WDR81: variants seen among roughly 807,000 people sequenced by gnomAD.
The protein encoded by WDR81 is WD repeat-containing protein 81.
A neutral mutation model predicts 140.8 loss-of-function variants in WDR81; 92 were observed. The observed-to-expected ratio is 0.65, with a 90% CI of 0.55 to 0.78. The LOEUF is 0.78. Ranked by LOEUF, WDR81 falls within the 30% of genes least tolerant of loss-of-function variation. The pLI is 0.00. For missense variants in WDR81, 2,502 were observed against 2,636.4 expected, an observed-to-expected ratio of 0.95 and a Z score of 1.12; for synonymous variants, 1,183 against 1,156.4, an observed-to-expected ratio of 1.02 and a Z score of -0.47.
rs989380388 is a variant in WDR81, at chr17:1,724,733, T to C, written c.-227T>C. On this transcript the variant is annotated 5_prime_UTR_variant, in exon 1 of 10. Transcript: ENST00000409644. Reference sequence around the variant, plus strand: ...GACCCGTCACGGTGGAGCCCGGTGCTCGCGCCCGGCAGCCTCTGCCCCGCC... The same window carrying C: ...GACCCGTCACGGTGGAGCCCGGTGCCCGCGCCCGGCAGCCTCTGCCCCGCC... 11 of 1,107,378 alleles carry C rather than the reference T, an allele frequency of 9.9e-6. No individual in the cohort carries two copies. Among genetic ancestry groups the C allele is most frequent in the Middle Eastern group, 3.9e-4 (1 of 2,588 alleles). The allele number at this position is 1,107,378 out of a possible 1,614,324, so 68.6% of individuals were successfully genotyped here. A position where few individuals can be genotyped will look rare whatever the true frequency, so the allele number is the denominator to read the frequency against.
rs1233055385 is a variant in WDR81, at chr17:1,728,812, GCGTGGGGGCAGGCAC to G, written c.3667+188_3667+202del. Among the ~76,000 whole-genome samples the G allele has an allele frequency of 2.6e-5, 4 of 152,208 alleles. No individual in the cohort carries two copies. In the East Asian group the frequency reaches 7.7e-4, roughly 29 times the overall value. The stretch of plus-strand genomic sequence containing the variant: ...ACTAAAAATACAAAAAAATAGCCGG[GCGTGGGGGCAGGCAC>G]CTGTAGTCCCAGCTACTCGGAAGGC... On this transcript the variant is annotated intron_variant, in intron 1 of 9. Coordinates refer to ENST00000409644, the MANE Select transcript of WDR81 (RefSeq NM_001163809.2).
At position 1,724,825 on chromosome 17, in the gene WDR81, C is replaced by T. The variant is rs1469820237; in HGVS notation, c.-135C>T. On this transcript the variant is annotated 5_prime_UTR_variant, in exon 1 of 10. Coordinates refer to ENST00000409644, the MANE Select transcript of WDR81 (RefSeq NM_001163809.2). ...CCGTCCGCCTCTTCGCCGCCGCCGG[C>T]TTCCTGCGGCCGCCTCCGCCCCAGC... The T allele has an allele frequency of 8.3e-7, 1 of 1,208,076 alleles. No individual in the cohort carries two copies. The highest frequency in any genetic ancestry group is 3.4e-5 in the East Asian group (1 of 29,402). 74.8% of individuals were successfully genotyped at this position (1,208,076 alleles called of 1,614,324 possible).
rs1400772062 is a variant in WDR81, at chr17:1,725,575, C to A, written c.616C>A (p.Pro206Thr). 1 of 1,545,182 alleles carries A rather than the reference C, an allele frequency of 6.5e-7. No homozygotes were observed. The highest frequency in any genetic ancestry group is 2.4e-5 in the East Asian group (1 of 40,924). Residue 206 changes from proline (P) to threonine (T), a missense_variant, in exon 1 of 10, where the codon CCC becomes ACC. Pro to Thr is a conservative substitution (Grantham distance 38). Coordinates refer to ENST00000409644, the MANE Select transcript of WDR81 (RefSeq NM_001163809.2). ...ATGCCCTTCATATGCCAGAGAAGGC[C>A]CCTGCCCCCCTCGGGGCAGCCCTGC... Reference protein sequence around the residue: ...TQCPSYAREGPCPPRGSPACP... With the variant: ...TQCPSYAREGTCPPRGSPACP...
In WDR81 at chr17:1,727,408, T is replaced by C; in HGVS notation, c.2449T>C (p.Ser817Pro). ...GCGCCACCCCAAGGAGGTCCCTGTG[T>C]CTTTGCAGCCCGTGCTGGACACACT... Reference protein sequence around the residue: ...CTRHPKEVPVSLQPVLDTLLQ... With the variant: ...CTRHPKEVPVPLQPVLDTLLQ... The change falls in exon 1 of 10, where the codon TCT becomes CCT. Residue 817 changes from serine (S) to proline (P), a missense_variant. By Grantham distance (74) the Ser-to-Pro change is moderately conservative. Transcript: ENST00000409644. 6.5e-7 allele frequency: 1 copy of C among 1,550,332 alleles called. No individual in the cohort carries two copies. The highest frequency in any genetic ancestry group is 8.7e-7 in the Non-Finnish European group (1 of 1,146,970).
intron 1 of WDR81, among the ~76,000 whole-genome samples, chr17:1,729,344 GTGGCGGGCACC>G (rs1415439756): frequency 1.3e-5 from 2 of 152,012 alleles, no homozygotes; most frequent in Non-Finnish European, 2.9e-5. Context: ...GCCAGGCGTG[GTGGCGGGCACC>G]TGTAATCCCA....
Position 1,727,431 on chromosome 17 carries a change from A to G in WDR81, c.2472A>G (p.Thr824=). 1.3e-6 allele frequency: 2 copies of G among 1,550,262 alleles called. No individual in the cohort carries two copies. Among genetic ancestry groups the G allele is most frequent in the Non-Finnish European group, 1.7e-6 (2 of 1,146,956 alleles). Residue 824 remains threonine (T), a synonymous_variant, in exon 1 of 10, where the codon ACA becomes ACG. Coordinates refer to ENST00000409644, the MANE Select transcript of WDR81 (RefSeq NM_001163809.2). ...VPVSLQPVLD[T]LLQMSGPEVP... ...TGTCTTTGCAGCCCGTGCTGGACAC[A>G]CTCCTGCAGATGAGTGGCCCCGAAG...
In WDR81 at chr17:1,725,511, C is replaced by G; in HGVS notation, c.552C>G (p.Val184=). The G allele has an allele frequency of 1.3e-6, 2 of 1,546,372 alleles. No homozygotes were observed. Residue 184 remains valine (V), a synonymous_variant, in exon 1 of 10, where the codon GTC becomes GTG. Transcript: ENST00000409644. ...CAGTACGGCAGGCTCTGCAGAGGGTCTATGGTTGCTCCTTCCTGCCAGTGG... is the reference window on the plus strand; with the variant it reads ...CAGTACGGCAGGCTCTGCAGAGGGTGTATGGTTGCTCCTTCCTGCCAGTGG... ...LDSVRQALQR[V]YGCSFLPVGE...
At chr17:1,732,184 C>T (rs1904406000) in intron 4 of WDR81, 141 bp from the exon 5 acceptor site, 2 of 1,180,694 alleles carry the variant, frequency 1.7e-6, no homozygotes, top group Admixed American at 5.5e-5. Flanking sequence ...TTGCAGTGAG[C>T]CGAGATCGCA....
Position 1,735,721 on chromosome 17 carries a change from AG to A in WDR81, c.5325+10del. The A allele has an allele frequency of 5.6e-6, 9 of 1,609,332 alleles. No homozygotes were observed. The highest frequency in any genetic ancestry group is 2.2e-5 in the South Asian group (2 of 90,770). ...CTGCAGGAAGCCTGGTCTGCAGGTC[AG>A]GGGGGTCCAGTTCCCTGAGCACTCG... On this transcript the variant is annotated splice_donor_5th_base_variant and intron_variant, in intron 8 of 9. Transcript: ENST00000409644. This position sits in a 1 kb window ranked among gnomAD's most constrained non-coding sequence, Gnocchi z 4.2.
At chr17:1,716,555 C>T in exon 1 of WDR81, 4 of 1,550,848 alleles carry the variant, frequency 2.6e-6, no homozygotes, top group East Asian at 2.4e-5. Flanking sequence ...GCGAAAGCCA[C>T]GGCGTCTGCG....
Position 1,730,783 on chromosome 17 carries a change from C to T in WDR81, c.3804C>T (p.Ser1268=). The part of the protein sequence containing the change: ...VGPTRQQFTV[S]SGESPPLSAG... ...CCACTCGGCAGCAGTTCACAGTGAG[C>T]AGTGGCGAGAGCCCACCGCTGAGCG... The change falls in exon 3 of 10, where the codon AGC becomes AGT. Residue 1268 remains serine, a synonymous_variant. Coordinates refer to ENST00000409644, the MANE Select transcript of WDR81 (RefSeq NM_001163809.2). 1 of 1,611,656 alleles carries T rather than the reference C, an allele frequency of 6.2e-7. No homozygotes were observed. The highest frequency in any genetic ancestry group is 8.5e-7 in the Non-Finnish European group (1 of 1,179,630).
rs1904831450 is a variant in WDR81 at position 1,736,027 on chromosome 17, C to T, written c.5326-12C>T. 1.3e-6 allele frequency: 2 copies of T among 1,585,080 alleles called. No individual in the cohort carries two copies. Among genetic ancestry groups the T allele is most frequent in the Non-Finnish European group, 1.7e-6 (2 of 1,170,814 alleles). ...AAGGTGGTGCCTCAGCTCAGCCGCC[C>T]TCTCCCTGCAGCACGAGTTCCGACT... On this transcript the variant is annotated splice_polypyrimidine_tract_variant and intron_variant, in intron 8 of 9. Coordinates refer to ENST00000409644, the MANE Select transcript of WDR81 (RefSeq NM_001163809.2).
chr17:1,723,015 C>G (rs1309441134), upstream of WDR81, among the ~76,000 whole-genome samples: 1 of 152,080 alleles, frequency 6.6e-6, no homozygotes, highest in East Asian at 1.9e-4. Context: ...TCCTAAGTGT[C>G]TTTATGGGAC....
chr17:1,717,682 C>A (rs781645719), intron 1 of WDR81, among the ~76,000 whole-genome samples: 36 of 152,212 alleles, frequency 2.4e-4, no homozygotes, highest in Non-Finnish European at 4.8e-4. Flanking sequence ...TATCCACTCC[C>A]ATGGGTGGTG....
intron 1 of WDR81, chr17:1,717,210 G>C: frequency 6.5e-6 from 1 of 153,684 alleles, no homozygotes; most frequent in South Asian, 1.9e-4. Context: ...CAATGAGCAG[G>C]CTGCTCCTTC....
At position 1,735,377 on chromosome 17, in the gene WDR81, C is replaced by T. The variant is rs1043381998; in HGVS notation, c.5180-195C>T. 1.3e-5 allele frequency among the ~76,000 whole-genome samples: 2 copies of T among 152,092 alleles called. No individual in the cohort carries two copies. Among genetic ancestry groups the T allele is most frequent in the South Asian group, 2.1e-4 (1 of 4,824 alleles). On this transcript the variant is annotated intron_variant, in intron 7 of 9. Coordinates refer to ENST00000409644, the MANE Select transcript of WDR81 (RefSeq NM_001163809.2). This position sits in a 1 kb window ranked among gnomAD's most constrained non-coding sequence, Gnocchi z 4.2. ...CTGGGAGGTGGAGGTTGCAGTGAGC[C>T]GAGATTGCACCACTGCACTCCAGCC... is the stretch of plus-strand genomic sequence containing the variant.
intron 1 of WDR81, chr17:1,716,775 C>A: frequency 1.1e-6 from 1 of 948,540 alleles, no homozygotes; most frequent in Non-Finnish European, 1.6e-6. Context: ...GACGCTATAG[C>A]TCTTTAAGGA....
rs1904988544 is a variant in WDR81 at position 1,737,554 on chromosome 17, C to T, written c.5695C>T (p.Pro1899Ser). 6.2e-7 allele frequency: 1 copy of T among 1,612,936 alleles called. No individual in the cohort carries two copies. The part of the protein sequence containing the change: ...NKIGVCSLLE[P>S]PSQATTKLSS... ...GATTGGCGTCTGCTCCCTGCTTGAG[C>T]CACCCTCGCAGGCCACCACGAAGCT... The change falls in exon 10 of 10, where the codon CCA becomes TCA. Residue 1899 changes from proline (P) to serine (S), a missense_variant. By Grantham distance (74) the Pro-to-Ser change is moderately conservative. Coordinates refer to ENST00000409644, the MANE Select transcript of WDR81 (RefSeq NM_001163809.2).
intron 1 of WDR81, chr17:1,717,272 T>C (rs1914624806): frequency 6.6e-6 from 1 of 152,628 alleles, no homozygotes; most frequent in Admixed American, 6.5e-5. Context: ...AAAAGTGAAA[T>C]GAACCCAGTG....
Sources: allele counts gnomAD v4.1 joint callset (sites outside exome capture counted in the v4.1 genomes callset), GRCh38; gene constraint gnomAD v4.1.1; non-coding constraint Gnocchi (gnomAD v3.1); transcripts MANE v1.5; gene names NCBI Gene and HGNC (gene_info 2026-07-23, HGNC 2026-07-21).